Variants in IL36B observed in about 807,000 individuals in gnomAD.
The protein encoded by IL36B is interleukin 36 beta.
IL36B carries 23 observed loss-of-function variants against 19.3 expected under a neutral mutation model. That is an observed-to-expected ratio of 1.19 (90% CI 0.86 to 1.69). The LOEUF is 1.69. Ranked by LOEUF, IL36B falls within the 40% of genes most tolerant of loss-of-function variation. The probability of loss-of-function intolerance (pLI) is 0.00; values close to 1 mark genes in which losing one functional copy is unlikely to be tolerated. For missense variants in IL36B, 217 were observed against 200.5 expected (o/e 1.08, Z -0.50); for synonymous variants, 59 against 59.7 (o/e 0.99, Z 0.05).
At chr2:113,045,067 A>T (rs1443973572) in intron 1 of IL36B, among the ~76,000 whole-genome samples, 2 of 152,152 alleles carry the variant, frequency 1.3e-5, no homozygotes, top group Admixed American at 1.3e-4. Flanking sequence ...TATCTTTTAA[A>T]GGGATTTAAA....
intron 1 of IL36B, among the ~76,000 whole-genome samples, chr2:113,034,796 C>A (rs1259275682): frequency 6.6e-6 from 1 of 152,176 alleles, no homozygotes; most frequent in Non-Finnish European, 1.5e-5. Context: ...GATGGAGCCT[C>A]CCAAGAGAAT....
chr2:113,031,595 A>G (rs1685077325), intron 2 of IL36B, 102 bp downstream of exon 2: 1 of 1,040,820 alleles, frequency 9.6e-7, no homozygotes, highest in Admixed American at 1.8e-5. Context: ...GCAAGAGCAA[A>G]TACATTTATA....
chr2:113,035,316 C>T (rs754080114), intron 1 of IL36B, among the ~76,000 whole-genome samples: 1 of 152,142 alleles, frequency 6.6e-6, no homozygotes, highest in Non-Finnish European at 1.5e-5. Flanking sequence ...ACTACACACA[C>T]GGTGTACTGA....
At chr2:113,035,608 C>T (rs1052218385) in intron 1 of IL36B, among the ~76,000 whole-genome samples, 6 of 151,386 alleles carry the variant, frequency 4.0e-5, no homozygotes, top group South Asian at 2.1e-4. Context: ...ATAGCAACAT[C>T]GAAAGTAGAA....
rs1312423165 is a variant in IL36B at position 113,022,355 on chromosome 2, T to C, written c.*319A>G. 3 of 190,732 alleles carry C rather than the reference T, an allele frequency of 1.6e-5. No homozygotes were observed. The highest frequency in any genetic ancestry group is 7.1e-5 in the African/African-American group (3 of 42,204). 11.8% of individuals were successfully genotyped at this position (190,732 alleles called of 1,614,324 possible). ...CTAGTAGCTTGCTGCTCTGTGGGAA[T>C]TCAGGAGCAATGTTGTCTGATCTTC... On this transcript the variant is annotated 3_prime_UTR_variant, in exon 6 of 6. Coordinates refer to ENST00000259213, the MANE Select transcript of IL36B (RefSeq NM_014438.5).
At chr2:113,027,286 G>T in intron 4 of IL36B, 147 bp downstream of exon 5, 1 of 179,680 alleles carries the variant, frequency 5.6e-6, no homozygotes, top group South Asian at 1.9e-4. Context: ...GTTAGAGGGG[G>T]AGGCAGGAGA....
At chr2:113,029,154 G>A in intron 3 of IL36B, 76 bp from the exon 4 acceptor site, 2 of 1,441,566 alleles carry the variant, frequency 1.4e-6, no homozygotes, top group Non-Finnish European at 1.9e-6. Context: ...CCCAGGTAGG[G>A]AATAGTGACA....
At chr2:113,045,166 A>G (rs948862313) in intron 1 of IL36B, among the ~76,000 whole-genome samples, 3 of 152,062 alleles carry the variant, frequency 2.0e-5, no homozygotes, top group African/African-American at 7.2e-5. Context: ...TCCATACAGT[A>G]TTATTTTCTT....
chr2:113,049,386 A>T (rs1685402534), intron 1 of IL36B, among the ~76,000 whole-genome samples: 1 of 152,242 alleles, frequency 6.6e-6, no homozygotes, highest in African/African-American at 2.4e-5. Context: ...AATAGGTGAA[A>T]GTCATATAAG....
chr2:113,051,318 C>T (rs1391638207), intron 1 of IL36B, among the ~76,000 whole-genome samples: 1 of 152,236 alleles, frequency 6.6e-6, no homozygotes, highest in Admixed American at 6.5e-5. Flanking sequence ...GAGGAAAGCG[C>T]CTGAATGTGG....
intron 1 of IL36B, among the ~76,000 whole-genome samples, chr2:113,032,715 G>T (rs1685101906): frequency 6.6e-6 from 1 of 152,216 alleles, no homozygotes; most frequent in South Asian, 2.1e-4. Context: ...TTGCATGTAA[G>T]TGGTCTAGCT....
intron 1 of IL36B, among the ~76,000 whole-genome samples, chr2:113,045,262 T>C (rs1685330619): frequency 6.6e-6 from 1 of 152,186 alleles, no homozygotes; most frequent in Admixed American, 6.5e-5. Context: ...TAATTGACAA[T>C]GTTTTTTTCA....
intron 5 of IL36B, among the ~76,000 whole-genome samples, chr2:113,024,732 T>C (rs1181281876): frequency 6.6e-6 from 1 of 152,230 alleles, no homozygotes; most frequent in Non-Finnish European, 1.5e-5. Context: ...TTCAGTGCCC[T>C]TGGAATAGCT....
chr2:113,031,611 G>C, intron 2 of IL36B, 86 bp downstream of exon 2: 1 of 1,164,816 alleles, frequency 8.6e-7, no homozygotes, highest in South Asian at 1.2e-5. Context: ...TTATAGCTTA[G>C]CAAATGATAG....
At chr2:113,029,702 G>A (rs1685038379) in intron 3 of IL36B, among the ~76,000 whole-genome samples, 1 of 152,160 alleles carries the variant, frequency 6.6e-6, no homozygotes, top group African/African-American at 2.4e-5. Flanking sequence ...AGAGGACACG[G>A]GTAAACTATT....
At chr2:113,037,123 G>A (rs773925262) in intron 1 of IL36B, among the ~76,000 whole-genome samples, 3 of 152,230 alleles carry the variant, frequency 2.0e-5, no homozygotes, top group Non-Finnish European at 2.9e-5. Flanking sequence ...CATGATGAGC[G>A]TGAGCATCTG....
intron 1 of IL36B, among the ~76,000 whole-genome samples, chr2:113,033,405 G>A (rs1047621549): frequency 1.3e-5 from 2 of 152,054 alleles, no homozygotes; most frequent in East Asian, 1.9e-4. Flanking sequence ...CTAGTTTTTT[G>A]TATTTTATAT....
intron 1 of IL36B, among the ~76,000 whole-genome samples, chr2:113,046,201 GTTTTTTCTTT>G (rs1349645390): frequency 1.4e-5 from 2 of 145,038 alleles, no homozygotes; most frequent in Admixed American, 6.9e-5. Flanking sequence ...GTTTCTTCAG[GTTTTTTCTTT>G]TTTTTTTTTT....
chr2:113,048,676 G>A (rs972742926), intron 1 of IL36B, among the ~76,000 whole-genome samples: 3 of 152,106 alleles, frequency 2.0e-5, no homozygotes, highest in African/African-American at 7.2e-5. Context: ...GAAAGCAGTA[G>A]AGAATATTAA....
Sources: allele counts gnomAD v4.1 joint callset (sites outside exome capture counted in the v4.1 genomes callset), GRCh38; gene constraint gnomAD v4.1.1; transcripts MANE v1.5; gene names NCBI Gene and HGNC (gene_info 2026-07-23, HGNC 2026-07-21).